NBPF20: variants seen among roughly 807,000 people sequenced by gnomAD.
The protein encoded by NBPF20 is NBPF family member NBPF20.
NBPF20 carries 90 observed loss-of-function variants against 68.1 expected under a neutral mutation model. The observed-to-expected ratio is 1.32, with a 90% CI of 1.11 to 1.58. NBPF20 has a LOEUF of 1.58. NBPF20 is among the 40% of genes most tolerant of loss of function. The pLI is 0.00. For synonymous variants in NBPF20, 290 were observed against 228.1 expected (o/e 1.27, Z -2.45); for missense variants, 816 against 601.2 (o/e 1.36, Z -3.74).
At chr1:145,404,518 A>G (rs1662677723) in intron 2 of NBPF20, among the ~76,000 whole-genome samples, 1 of 151,962 alleles carries the variant, frequency 6.6e-6, no homozygotes, top group African/African-American at 2.4e-5. Flanking sequence ...CAGCCTCCCA[A>G]AGTGCTGAGA....
At chr1:145,334,828 A>C (rs1208071269) in intron 83 of NBPF20, among the ~76,000 whole-genome samples, 197 bp from the exon 89 acceptor site, 7 of 138,640 alleles carry the variant, frequency 5.0e-5, no homozygotes, top group Non-Finnish European at 1.7e-5. Flanking sequence ...AGACAGGGAG[A>C]GGGAGGGAGA....
At chr1:145,400,364 G>A in intron 6 of NBPF20, 25 bp downstream of exon 11, 1 of 1,612,208 alleles carries the variant, frequency 6.2e-7, no homozygotes, top group Non-Finnish European at 8.5e-7. Context: ...AGAGAGGTAT[G>A]AGACACAAGG....
intron 5 of NBPF20, 86 bp downstream of exon 10, chr1:145,400,973 C>G (rs1283998049): frequency 1.3e-6 from 2 of 1,532,028 alleles, no homozygotes; most frequent in Middle Eastern, 2.3e-4. Flanking sequence ...GGTTTTTGGC[C>G]GATCATAGAT....
the NBPF20 span, among the ~76,000 whole-genome samples, chr1:145,415,412 AG>A: frequency 6.6e-6 from 1 of 151,726 alleles, no homozygotes; most frequent in East Asian, 1.9e-4. Context: ...AATCCTCCTC[AG>A]CACAGACCCT....
intron 3 of NBPF20, among the ~76,000 whole-genome samples, chr1:145,402,714 T>C (rs1481709440): frequency 5.0e-4 from 74 of 148,924 alleles, no homozygotes; most frequent in Middle Eastern, 3.4e-3. Flanking sequence ...AAAATACACA[T>C]AGTGCATCTT....
chr1:145,422,693 A>C, the NBPF20 span, among the ~76,000 whole-genome samples: 1 of 152,232 alleles, frequency 6.6e-6, no homozygotes, highest in Non-Finnish European at 1.5e-5. Context: ...TCCACGTAGT[A>C]AAAAGTGAAT....
chr1:145,394,870 C>A (rs1206157425), intron 8 of NBPF20, 108 bp downstream of exon 13: 11 of 1,579,678 alleles, frequency 7.0e-6, no homozygotes, highest in African/African-American at 5.4e-5. Flanking sequence ...AGGTTCAGCC[C>A]ACGGTGATGG....
intron 83 of NBPF20, among the ~76,000 whole-genome samples, 169 bp from the exon 89 acceptor site, chr1:145,334,800 G>A (rs1456356023): frequency 1.5e-5 from 2 of 134,734 alleles, no homozygotes; most frequent in African/African-American, 5.1e-5. Flanking sequence ...GGGCCAGGTA[G>A]AAAAGAATGA....
intron 137 of NBPF20, among the ~76,000 whole-genome samples, chr1:145,292,006 T>C (rs1461503910): frequency 6.7e-6 from 1 of 149,482 alleles, no homozygotes; most frequent in Non-Finnish European, 1.5e-5. Flanking sequence ...GAAAGTGACC[T>C]AGTGAATTGC....
intron 83 of NBPF20, among the ~76,000 whole-genome samples, 180 bp from the exon 89 acceptor site, chr1:145,334,811 A>G (rs1165294775): frequency 1.1e-4 from 15 of 136,530 alleles, no homozygotes; most frequent in Non-Finnish European, 2.0e-4. Context: ...AAAAGAATGA[A>G]AGAGAAAGAC....
exon 138 of NBPF20, chr1:145,291,385 G>C (rs587690326): frequency 1.8e-5 from 29 of 1,571,220 alleles, no homozygotes; most frequent in Middle Eastern, 2.4e-4. Flanking sequence ...CACTGGCATG[G>C]TTTGAGAATA....
chr1:145,289,947 A>C (rs1660952499), exon 138 of NBPF20: 1 of 133,366 alleles, frequency 7.5e-6, no homozygotes, highest in Non-Finnish European at 1.5e-5. Context: ...CACCAAAACC[A>C]ATCAGCATAA....
At chr1:145,393,501 C>G (rs1255737439) in intron 9 of NBPF20, among the ~76,000 whole-genome samples, 936 of 140,156 alleles carry the variant, frequency 6.7e-3, no homozygotes, top group Middle Eastern at 0.016. Flanking sequence ...AGAGCGAGCT[C>G]AGTGAATTGG....
intron 7 of NBPF20, among the ~76,000 whole-genome samples, chr1:145,397,844 C>A (rs1662333730): frequency 1.3e-5 from 2 of 152,272 alleles, no homozygotes; most frequent in South Asian, 2.1e-4. Flanking sequence ...AAACCCATCT[C>A]ACATGCAGAG....
chr1:145,393,672 G>C lies in NBPF20; in HGVS notation c.1043+212C>G, dbSNP rs1293816162. On this transcript the variant is annotated intron_variant, in intron 9 of 137. Transcript: ENST00000369373. ...ATGAGAATACAGCTTTTGAGTTATG[G>C]TCAACTTTCACTAGGTTAGTAAATG... 23 of 1,359,456 alleles carry C rather than the reference G, an allele frequency of 1.7e-5. No individual in the cohort carries two copies. In the South Asian group the frequency reaches 2.8e-4, roughly 16 times the overall value. The allele number at this position is 1,359,456 out of a possible 1,614,324, so 84.2% of individuals were successfully genotyped here.
chr1:145,405,453 T>G, exon 1 of NBPF20: 1 of 1,559,580 alleles, frequency 6.4e-7, no homozygotes, highest in African/African-American at 1.4e-5. Context: ...TTTAGGATCC[T>G]TCACCACAAA....
In NBPF20 at chr1:145,292,606, T is replaced by A. The variant is rs146537261; in HGVS notation, c.16589-117A>T. Reference sequence around the variant, plus strand: ...GCTCCCCAGCATAAGAATAGGACACTTTGAGAGATATATTTCAGGAGGCCT... The same window carrying A: ...GCTCCCCAGCATAAGAATAGGACACATTGAGAGATATATTTCAGGAGGCCT... On this transcript the variant is annotated intron_variant, in intron 136 of 137. Transcript: ENST00000369373. The A allele has an allele frequency of 3.1e-5, 23 of 740,784 alleles. 1 individual carries two copies. The highest frequency in any genetic ancestry group is 2.8e-4 in the Admixed American group (14 of 49,702). The allele number at this position is 740,784 out of a possible 1,614,324, so 45.9% of individuals were successfully genotyped here.
intron 36 of NBPF20, 89 bp downstream of exon 41, chr1:145,372,423 C>T (rs1661767193): frequency 1.5e-5 from 4 of 264,808 alleles, no homozygotes; most frequent in Middle Eastern, 1.3e-3. Context: ...TGACATCTCT[C>T]GGGTCAGTAA....
At chr1:145,291,830 C>G in intron 137 of NBPF20, 61 bp from the exon 143 acceptor site, 1 of 1,611,190 alleles carries the variant, frequency 6.2e-7, no homozygotes, top group Non-Finnish European at 8.5e-7. Flanking sequence ...CAGAGCCCCA[C>G]TAGATTTCAG....
Sources: gnomAD v4.1 joint callset for allele counts (sites outside exome capture counted in the v4.1 genomes callset) on GRCh38, gnomAD v4.1.1 for gene constraint, MANE v1.5 for transcripts, NCBI Gene and HGNC (gene_info 2026-07-23, HGNC 2026-07-21) for gene names.